Variants in KCNH8 observed in about 807,000 individuals in gnomAD.
KCNH8 encodes the protein potassium voltage-gated channel subfamily H member 8, also known as voltage-gated delayed rectifier potassium channel KCNH8.
A neutral mutation model predicts 103.6 loss-of-function variants in KCNH8; 70 were observed. That is an observed-to-expected ratio of 0.68 (90% CI 0.56 to 0.82). The LOEUF (loss-of-function observed/expected upper bound fraction) is 0.82, where lower values mean the gene tolerates loss of function less well. Among genes scored for constraint, KCNH8 ranks in the 40% least tolerant of loss-of-function variants. The probability of loss-of-function intolerance (pLI) is 0.00; values close to 1 mark genes in which losing one functional copy is unlikely to be tolerated. For missense variants in KCNH8, 1,217 were observed against 1,329.9 expected (o/e 0.92, Z 1.32); for synonymous variants, 498 against 489.4 (o/e 1.02, Z -0.23).
chr3:19,318,395 T>C (rs2065302804), intron 3 of KCNH8, among the ~76,000 whole-genome samples: 1 of 151,800 alleles, frequency 6.6e-6, no homozygotes, highest in Non-Finnish European at 1.5e-5. Flanking sequence ...GTATACACTG[T>C]ACCCAATGTG....
chr3:19,215,241 T>C lies in KCNH8; in HGVS notation c.77-38413T>C, dbSNP rs777710673. 9.7e-4 allele frequency among the ~76,000 whole-genome samples: 148 copies of C among 152,214 alleles called. 4 individuals are homozygous for C. Among genetic ancestry groups the C allele is most frequent in the Non-Finnish European group, 1.0e-3 (68 of 68,038 alleles). Reference sequence around the variant, plus strand: ...CTGGCATTTACTAAGGTACAGAAACTAAGATGATATCTTGACACTTGAATG... The same window carrying C: ...CTGGCATTTACTAAGGTACAGAAACCAAGATGATATCTTGACACTTGAATG... On this transcript the variant is annotated intron_variant, in intron 1 of 15. Coordinates refer to ENST00000328405, the MANE Select transcript of KCNH8 (RefSeq NM_144633.3).
chr3:19,377,622 GGTT>G (rs2066228418), intron 5 of KCNH8, among the ~76,000 whole-genome samples: 1 of 152,144 alleles, frequency 6.6e-6, no homozygotes, highest in African/African-American at 2.4e-5. Context: ...AACACTAAGA[GGTT>G]CAATGCCCAG....
chr3:19,528,413 C>A (rs534737973), intron 15 of KCNH8, among the ~76,000 whole-genome samples: 1 of 151,942 alleles, frequency 6.6e-6, no homozygotes, highest in South Asian at 2.1e-4. Flanking sequence ...GGACAGATGA[C>A]AAAGCAATAA....
intron 15 of KCNH8, among the ~76,000 whole-genome samples, 161 bp downstream of exon 15, chr3:19,518,235 G>A (rs930013759): frequency 2.0e-5 from 3 of 152,032 alleles, no homozygotes; most frequent in Non-Finnish European, 2.9e-5. Context: ...TGTGATCTCT[G>A]ACAAGTCACT....
At chr3:19,459,701 A>G (rs1043017215) in intron 11 of KCNH8, among the ~76,000 whole-genome samples, 1 of 151,960 alleles carries the variant, frequency 6.6e-6, no homozygotes, top group African/African-American at 2.4e-5. Context: ...GCTTTCCCCT[A>G]TGTTTTCTTT....
intron 8 of KCNH8, among the ~76,000 whole-genome samples, chr3:19,444,208 G>C (rs1419115350): frequency 6.6e-6 from 1 of 151,936 alleles, no homozygotes; most frequent in Non-Finnish European, 1.5e-5. Flanking sequence ...CAATGAAATA[G>C]AAGAGAGTTC....
intron 5 of KCNH8, among the ~76,000 whole-genome samples, chr3:19,361,349 A>C (rs907522523): frequency 1.5e-4 from 23 of 152,274 alleles, no homozygotes; most frequent in Admixed American, 1.1e-3. Context: ...GTAAAGGGCT[A>C]TCACATTGGG....
At chr3:19,284,310 C>A (rs915833295) in intron 3 of KCNH8, among the ~76,000 whole-genome samples, 1 of 151,994 alleles carries the variant, frequency 6.6e-6, no homozygotes, top group Non-Finnish European at 1.5e-5. Context: ...GCATGGACTT[C>A]TATTAAAAAT....
Position 19,533,410 on chromosome 3 carries a change from C to A in KCNH8, c.2635C>A (p.Gln879Lys). 1 of 1,613,570 alleles carries A rather than the reference C, an allele frequency of 6.2e-7. No homozygotes were observed. The highest frequency in any genetic ancestry group is 8.5e-7 in the Non-Finnish European group (1 of 1,179,490). ...KLNSEVTTLTQEVSQLGKDMR... is the reference protein window; with the variant it reads ...KLNSEVTTLTKEVSQLGKDMR... ...ATCCACATAGGTAACAACATTGACT[C>A]AGGAAGTTTCTCAGTTGGGTAAAGA... The change falls in exon 16 of 16, where the codon CAG (glutamine) becomes AAG (lysine). Residue 879 changes from glutamine to lysine, a missense_variant. Coordinates refer to ENST00000328405, the MANE Select transcript of KCNH8 (RefSeq NM_144633.3).
chr3:19,373,766 A>G lies in KCNH8; in HGVS notation c.812-16715A>G, dbSNP rs553763992. Among the ~76,000 whole-genome samples, 575 of 151,236 alleles carry G rather than the reference A, an allele frequency of 3.8e-3. 7 individuals carry two copies. Among genetic ancestry groups the G allele is most frequent in the African/African-American group, 0.013 (542 of 41,202 alleles). On this transcript the variant is annotated intron_variant, in intron 5 of 15. Coordinates refer to ENST00000328405, the MANE Select transcript of KCNH8 (RefSeq NM_144633.3). ...CATTTAGTGCTATAAATTTCCCTCTACACACTGCTTTGAATGCGTCCCAGA... is the reference window on the plus strand; with the variant it reads ...CATTTAGTGCTATAAATTTCCCTCTGCACACTGCTTTGAATGCGTCCCAGA...
intron 7 of KCNH8, among the ~76,000 whole-genome samples, chr3:19,407,777 C>A (rs2066716023): frequency 6.6e-6 from 1 of 152,160 alleles, no homozygotes; most frequent in South Asian, 2.1e-4. Context: ...GTCTCTGCCC[C>A]ATGCCTAGGA....
intron 15 of KCNH8, among the ~76,000 whole-genome samples, chr3:19,526,109 A>C (rs892506287): frequency 6.6e-6 from 1 of 151,968 alleles, no homozygotes; most frequent in East Asian, 1.9e-4. Context: ...ATAGCTTGTA[A>C]AAATGTATAT....
intron 5 of KCNH8, among the ~76,000 whole-genome samples, chr3:19,371,430 G>A (rs1401857707): frequency 6.7e-6 from 1 of 150,130 alleles, no homozygotes; most frequent in Non-Finnish European, 1.5e-5. Context: ...GTCTGTTCAT[G>A]TCCTTCGCCC....
intron 15 of KCNH8, among the ~76,000 whole-genome samples, chr3:19,529,956 A>T (rs1456708427): frequency 6.6e-6 from 1 of 152,138 alleles, no homozygotes; most frequent in Non-Finnish European, 1.5e-5. Flanking sequence ...TTTTCTGAAA[A>T]TGTCAGTGCT....
intron 5 of KCNH8, among the ~76,000 whole-genome samples, chr3:19,361,310 T>C (rs2065943970): frequency 3.3e-5 from 5 of 152,136 alleles, no homozygotes; most frequent in Admixed American, 6.6e-5. Context: ...CCCACATTTT[T>C]CTGCCCAAAC....
chr3:19,311,487 A>T (rs1321794401), intron 3 of KCNH8, among the ~76,000 whole-genome samples: 1 of 151,110 alleles, frequency 6.6e-6, no homozygotes, highest in Non-Finnish European at 1.5e-5. Flanking sequence ...ATATTAAATA[A>T]TAATTAAATA....
At chr3:19,390,691 A>G in intron 6 of KCNH8, 53 bp downstream of exon 6, 2 of 1,540,652 alleles carry the variant, frequency 1.3e-6, no homozygotes, top group South Asian at 2.4e-5. Flanking sequence ...TATTTATCGC[A>G]TGTTCAGGTT....
At chr3:19,460,703 T>C (rs541104003) in intron 11 of KCNH8, among the ~76,000 whole-genome samples, 3 of 152,310 alleles carry the variant, frequency 2.0e-5, no homozygotes, top group African/African-American at 7.2e-5. Context: ...AGAAGTTTCA[T>C]ATGGTTTGAC....
chr3:19,398,697 A>G (rs2066562048), intron 7 of KCNH8, among the ~76,000 whole-genome samples: 2 of 151,932 alleles, frequency 1.3e-5, no homozygotes, highest in African/African-American at 4.8e-5. Flanking sequence ...AATAGTGCCA[A>G]CCTCAGTGGG....
Sources: gnomAD v4.1 joint callset for allele counts (sites outside exome capture counted in the v4.1 genomes callset) on GRCh38, gnomAD v4.1.1 for gene constraint, MANE v1.5 for transcripts, NCBI Gene and HGNC (gene_info 2026-07-23, HGNC 2026-07-21) for gene names.